Variants in PPP2R2D observed in about 807,000 individuals in gnomAD.
PPP2R2D encodes protein phosphatase 2 regulatory subunit Bdelta.
Under a neutral mutation model 31.1 loss-of-function variants are expected in PPP2R2D, and 9 were observed. The observed-to-expected ratio is 0.29, with a 90% confidence interval of 0.17 to 0.51. The LOEUF is 0.51. PPP2R2D is among the 20% of genes least tolerant of loss of function. PPP2R2D has a pLI of 0.98. For missense variants in PPP2R2D, 391 were observed against 465.6 expected, an observed-to-expected ratio of 0.84 and a Z score of 1.48; for synonymous variants, 179 against 172.6, an observed-to-expected ratio of 1.04 and a Z score of -0.29.
chr10:131,950,866 T>G (rs1554898700), intron 8 of PPP2R2D, among the ~76,000 whole-genome samples: 1 of 152,168 alleles, frequency 6.6e-6, no homozygotes, highest in African/African-American at 2.4e-5. Context: ...AACAAGGGCT[T>G]CTTTAAGAAG....
At chr10:131,936,095 C>T (rs2036334292) in intron 3 of PPP2R2D, among the ~76,000 whole-genome samples, 1 of 151,758 alleles carries the variant, frequency 6.6e-6, no homozygotes, top group South Asian at 2.1e-4. Context: ...CCTTACCTTT[C>T]TCAACAGAAG....
chr10:131,970,842 G>A, the PPP2R2D span: 38 of 1,614,036 alleles, frequency 2.4e-5, no homozygotes, highest in Admixed American at 2.0e-4. The surrounding 1 kb of genome is among the most constrained non-coding windows in gnomAD (Gnocchi z 4.1). Flanking sequence ...GGGTGCCCCC[G>A]TGACACTGAG....
chr10:131,919,575 G>T (rs570838771), intron 2 of PPP2R2D, among the ~76,000 whole-genome samples: 2 of 127,928 alleles, frequency 1.6e-5, no homozygotes, highest in Middle Eastern at 4.7e-3. Flanking sequence ...GATCTCACGT[G>T]GGTGGAATGA....
At chr10:131,918,145 A>G (rs1327675315) in intron 2 of PPP2R2D, among the ~76,000 whole-genome samples, 354 of 65,870 alleles carry the variant, frequency 5.4e-3, no homozygotes, top group Middle Eastern at 0.034. Context: ...CCTCAGGCGG[A>G]TGGAATGACA....
intron 3 of PPP2R2D, among the ~76,000 whole-genome samples, chr10:131,936,999 G>A (rs999293104): frequency 1.1e-4 from 16 of 152,232 alleles, no homozygotes; most frequent in African/African-American, 2.4e-4. Context: ...TGTTGCAGCC[G>A]CCAAGAGGGT....
chr10:131,937,276 T>G (rs190125999), intron 3 of PPP2R2D, among the ~76,000 whole-genome samples: 20 of 152,252 alleles, frequency 1.3e-4, no homozygotes, highest in Admixed American at 1.2e-3. Flanking sequence ...TCTGTGCAGA[T>G]TAAGTCTTAC....
intron 2 of PPP2R2D, among the ~76,000 whole-genome samples, chr10:131,918,420 G>A (rs1409194623): frequency 1.3e-5 from 2 of 148,154 alleles, no homozygotes; most frequent in Admixed American, 1.3e-4. Flanking sequence ...ATCTCACATG[G>A]GTGGAATGAC....
At chr10:131,903,026 A>G (rs2035526448) in intron 2 of PPP2R2D, among the ~76,000 whole-genome samples, 1 of 152,148 alleles carries the variant, frequency 6.6e-6, no homozygotes, top group Admixed American at 6.5e-5. Flanking sequence ...TGCTGAGATT[A>G]TAGGCGTGAG....
downstream of PPP2R2D, among the ~76,000 whole-genome samples, chr10:131,963,439 C>T (rs1481084447): frequency 6.6e-6 from 1 of 152,236 alleles, no homozygotes; most frequent in Admixed American, 6.5e-5. Flanking sequence ...TGGGGGGTTA[C>T]TTCCAGTTTT....
rs1554897020 is a variant in PPP2R2D at position 131,940,189 on chromosome 10, T to C, written c.357T>C (p.Ser119=). The C allele has an allele frequency of 2.7e-6, 2 of 741,290 alleles. No individual in the cohort carries two copies. The highest frequency in any genetic ancestry group is 2.5e-6 in the Non-Finnish European group (1 of 401,528). 45.9% of individuals were successfully genotyped at this position (741,290 alleles called of 1,614,324 possible). Residue 119 remains serine, a synonymous_variant, in exon 4 of 9, where the codon TCT becomes TCC. Transcript: ENST00000455566. ...PQQNAAHFLL[S]TNDKTIKLWK... is the part of the protein sequence containing the mutation. ...AGAATGCTGCTCATTTTCTACTGTC[T>C]ACAAATGGTAAGAATTGTGTTCTAA...
At chr10:131,916,291 A>G (rs1442734299) in intron 2 of PPP2R2D, among the ~76,000 whole-genome samples, 5 of 150,786 alleles carry the variant, frequency 3.3e-5, no homozygotes, top group African/African-American at 1.2e-4. Context: ...CACTTGACCT[A>G]CAGAGAGAAA....
rs148459889 is a variant in PPP2R2D at position 131,958,627 on chromosome 10, A to T, written c.*2664A>T. 1,740 of 231,558 alleles carry T rather than the reference A, an allele frequency of 7.5e-3. 35 individuals are homozygous for T. The highest frequency in any genetic ancestry group is 0.042 in the African/African-American group (1,661 of 39,424). 14.3% of individuals were successfully genotyped at this position (231,558 alleles called of 1,614,324 possible). ...GCTGATCTCTTGTCCCCCTGTGGAG[A>T]TGGAGGTGTGTGCTGATCCCCCATC... is the stretch of plus-strand genomic sequence containing the variant. On this transcript the variant is annotated 3_prime_UTR_variant, in exon 9 of 9. Coordinates refer to ENST00000455566, the MANE Select transcript of PPP2R2D (RefSeq NM_018461.5).
At chr10:131,902,578 T>C (rs2119688885) in intron 2 of PPP2R2D, among the ~76,000 whole-genome samples, 2 of 152,334 alleles carry the variant, frequency 1.3e-5, no homozygotes, top group East Asian at 3.9e-4. Context: ...ATCTAAAAAG[T>C]TTATTGATTT....
chr10:131,955,699 G>C lies in PPP2R2D; in HGVS notation c.1098G>C (p.Gly366=), dbSNP rs572345687. The change falls in exon 9 of 9, where the codon GGG becomes GGC. Residue 366 remains glycine (G), a synonymous_variant. Transcript: ENST00000455566. ...TTTTGAACAGCGCCATCATGACCGG[G>C]TCCTATAACAACTTCTTCAGGATGT... ...WNGSDSAIMT[G]SYNNFFRMFD... is the part of the protein sequence containing the mutation. The C allele has an allele frequency of 6.8e-7, 1 of 1,465,246 alleles. No homozygotes were observed. Among genetic ancestry groups the C allele is most frequent in the East Asian group, 2.5e-5 (1 of 39,870 alleles). The allele number at this position is 1,465,246 out of a possible 1,614,324, so 90.8% of individuals were successfully genotyped here.
intron 2 of PPP2R2D, among the ~76,000 whole-genome samples, chr10:131,916,817 TCA>T (rs1377451550): frequency 2.5e-4 from 35 of 139,378 alleles, no homozygotes; most frequent in Non-Finnish European, 2.4e-4. Flanking sequence ...TGTAGGGACC[TCA>T]GTCGGGTGGA....
chr10:131,937,002 A>G (rs1222764355), intron 3 of PPP2R2D, among the ~76,000 whole-genome samples: 2 of 152,242 alleles, frequency 1.3e-5, no homozygotes, highest in Non-Finnish European at 2.9e-5. Context: ...TGCAGCCGCC[A>G]AGAGGGTGAA....
rs1554897553 is a variant in PPP2R2D at position 131,943,994 on chromosome 10, T to G, written c.504T>G (p.Leu168=). The change falls in exon 6 of 9, where the codon CTT becomes CTG. Residue 168 remains leucine, a synonymous_variant. Transcript: ENST00000455566. ...TCCCAATATTGAAGCCCATGGATCT[T>G]ATGGTAGAAGCGAGTCCACGGCGAA... ...LRVPILKPMD[L]MVEASPRRIF... The G allele has an allele frequency of 2.8e-6, 3 of 1,079,774 alleles. No individual in the cohort carries two copies. The highest frequency in any genetic ancestry group is 3.1e-5 in the African/African-American group (2 of 64,724). 66.9% of individuals were successfully genotyped at this position (1,079,774 alleles called of 1,614,324 possible).
rs117067302 is a variant in PPP2R2D at position 131,915,545 on chromosome 10, C to T, written c.100+14215C>T. Among the ~76,000 whole-genome samples, 38 of 152,362 alleles carry T rather than the reference C, an allele frequency of 2.5e-4. No individual in the cohort carries two copies. In the East Asian group the frequency reaches 4.0e-3, roughly 16 times the overall value. On this transcript the variant is annotated intron_variant, in intron 2 of 8. Transcript: ENST00000455566. ...CATCTCCGTTTTAACTCCCCAACTC[C>T]GTTGCCCGCACTCCTTCCTCACTGG... is the stretch of plus-strand genomic sequence containing the variant.
At chr10:131,924,015 G>A (rs1273865556) in intron 2 of PPP2R2D, among the ~76,000 whole-genome samples, 8 of 152,122 alleles carry the variant, frequency 5.3e-5, no homozygotes, top group African/African-American at 1.9e-4. Flanking sequence ...CACCGTGCCC[G>A]GGCCTTTCTT....
Sources: allele counts gnomAD v4.1 joint callset (sites outside exome capture counted in the v4.1 genomes callset), GRCh38; gene constraint gnomAD v4.1.1; non-coding constraint Gnocchi (gnomAD v3.1); transcripts MANE v1.5; gene names NCBI Gene and HGNC (gene_info 2026-07-23, HGNC 2026-07-21).